Variants in RPS6KA3 observed in about 807,000 individuals in gnomAD.
The protein encoded by RPS6KA3 is ribosomal protein S6 kinase alpha-3.
RPS6KA3 carries 4 observed loss-of-function variants against 67.2 expected under a neutral mutation model. The observed-to-expected ratio is 0.06, with a 90% CI of 0.03 to 0.14. RPS6KA3 has a LOEUF of 0.14. Among genes scored for constraint, RPS6KA3 ranks in the 10% least tolerant of loss-of-function variants. The probability of loss-of-function intolerance (pLI) is 1.00; values close to 1 mark genes in which losing one functional copy is unlikely to be tolerated. For synonymous variants in RPS6KA3, 182 were observed against 183.7 expected, an observed-to-expected ratio of 0.99 and a Z score of 0.07; for missense variants, 204 against 559.0, an observed-to-expected ratio of 0.36 and a Z score of 6.40.
rs145103178 is a variant in RPS6KA3 at position 20,246,491 on chromosome X, T to C, written c.70-11677A>G. Among the ~76,000 whole-genome samples the C allele has an allele frequency of 8.5e-4, 95 of 111,536 alleles. 1 individual carries two copies. In the East Asian group the frequency reaches 0.014, roughly 16 times the overall value. ...ATCTGAGTTCTGGATAACCCTTTAA[T>C]ATATTACTTGGGTTGGCTAATTCAG... On this transcript the variant is annotated intron_variant, in intron 1 of 21. Coordinates refer to ENST00000379565, the MANE Select transcript of RPS6KA3 (RefSeq NM_004586.3).
intron 21 of RPS6KA3, 64 bp from the exon 22 acceptor site, chrX:20,155,584 A>G: frequency 8.9e-7 from 1 of 1,121,219 alleles, no homozygotes; most frequent in South Asian, 1.8e-5. Context: ...ACACAAATAC[A>G]AAATGAAGAG....
At chrX:20,240,061 A>G (rs1291587543) in intron 1 of RPS6KA3, among the ~76,000 whole-genome samples, 1 of 109,930 alleles carries the variant, frequency 9.1e-6, no homozygotes, top group Non-Finnish European at 1.9e-5. Context: ...GCTAGGACCA[A>G]AAGATGATCT....
intron 2 of RPS6KA3, among the ~76,000 whole-genome samples, chrX:20,211,299 T>C (rs1250830945): frequency 9.0e-6 from 1 of 111,480 alleles, no homozygotes; most frequent in East Asian, 2.8e-4. Flanking sequence ...GGTCTGAATA[T>C]TCTATAGTCT....
chrX:20,165,909 G>A (rs1379354695), intron 17 of RPS6KA3, among the ~76,000 whole-genome samples: 1 of 110,869 alleles, frequency 9.0e-6, no homozygotes. Flanking sequence ...CTGAAATTGA[G>A]GATAATACCG....
intron 4 of RPS6KA3, chrX:20,203,400 T>G (rs2148720482): frequency 9.1e-6 from 1 of 110,076 alleles, no homozygotes; most frequent in South Asian, 3.9e-4. Context: ...TAGCTGGAAT[T>G]ATAGGTATGT....
intron 4 of RPS6KA3, among the ~76,000 whole-genome samples, chrX:20,201,616 G>T (rs923497018): frequency 2.7e-5 from 3 of 110,873 alleles, no homozygotes; most frequent in Non-Finnish European, 5.7e-5. Flanking sequence ...GAATTATATT[G>T]CAAGAAAGAG....
chrX:20,226,679 A>G (rs1326179293), intron 2 of RPS6KA3, among the ~76,000 whole-genome samples: 1 of 112,223 alleles, frequency 8.9e-6, no homozygotes, highest in African/African-American at 3.2e-5. Flanking sequence ...AAGGCTTTAT[A>G]AAGGGTCAAA....
At chrX:20,168,629 T>C (rs2067497803) in intron 16 of RPS6KA3, among the ~76,000 whole-genome samples, 1 of 111,564 alleles carries the variant, frequency 9.0e-6, no homozygotes, top group South Asian at 3.7e-4. Flanking sequence ...CTAGTCAATA[T>C]TGAATATGAA....
chrX:20,225,146 T>G (rs1410668537), intron 2 of RPS6KA3, among the ~76,000 whole-genome samples: 1 of 109,562 alleles, frequency 9.1e-6, no homozygotes, highest in Non-Finnish European at 1.9e-5. Context: ...ATGGGTATTG[T>G]GATGAATATA....
At chrX:20,266,537 C>A (rs2070391690) in intron 1 of RPS6KA3, 27 bp downstream of exon 1, 14 of 1,126,946 alleles carry the variant, frequency 1.2e-5, no homozygotes, top group Non-Finnish European at 1.7e-5. Context: ...GGAGATGCGC[C>A]GGCCCCGGCC....
chrX:20,175,036 G>C, intron 14 of RPS6KA3, 128 bp downstream of exon 14: 1 of 685,752 alleles, frequency 1.5e-6, no homozygotes, highest in Admixed American at 2.4e-5. Context: ...TTACGGGTGT[G>C]AGCCACTATG....
intron 19 of RPS6KA3, 86 bp downstream of exon 19, chrX:20,162,878 C>T: frequency 4.4e-6 from 3 of 686,214 alleles, no homozygotes; most frequent in Non-Finnish European, 7.2e-6. Flanking sequence ...AACAAAAAAC[C>T]CCAAACAAAA....
chrX:20,156,011 G>A (rs1425513305), intron 21 of RPS6KA3, 98 bp downstream of exon 21: 2 of 914,864 alleles, frequency 2.2e-6, no homozygotes. Flanking sequence ...AGAACTGGAT[G>A]CAGGATGAAA....
chrX:20,263,043 T>A (rs1403695669), intron 1 of RPS6KA3, among the ~76,000 whole-genome samples: 1 of 112,010 alleles, frequency 8.9e-6, no homozygotes, highest in Non-Finnish European at 1.9e-5. Flanking sequence ...GTACCTGTTA[T>A]TTAAAGGAAG....
chrX:20,220,022 A>G lies in RPS6KA3; in HGVS notation c.127-10618T>C, dbSNP rs777617257. On this transcript the variant is annotated intron_variant, in intron 2 of 21. Coordinates refer to ENST00000379565, the MANE Select transcript of RPS6KA3 (RefSeq NM_004586.3). ...TTTCTGGATGAAGAAACTGTGGTCA[A>G]GGTAGGCCCATATTTGGTGATAGAG... 2.7e-5 allele frequency among the ~76,000 whole-genome samples: 3 copies of G among 111,546 alleles called. No individual in the cohort carries two copies. In the South Asian group the frequency reaches 1.1e-3, roughly 41 times the overall value.
chrX:20,190,764 CAT>C (rs1222873318), intron 7 of RPS6KA3, among the ~76,000 whole-genome samples: 1 of 110,802 alleles, frequency 9.0e-6, no homozygotes, highest in Non-Finnish European at 1.9e-5. Context: ...ATAAAAAAAA[CAT>C]AAAATATAAA....
At chrX:20,235,941 A>G (rs2069398573) in intron 1 of RPS6KA3, among the ~76,000 whole-genome samples, 1 of 111,825 alleles carries the variant, frequency 8.9e-6, no homozygotes. Flanking sequence ...AACTAGTTAA[A>G]TATATTATGG....
chrX:20,150,878 C>T lies in RPS6KA3; in HGVS notation c.*4520G>A, dbSNP rs924854284. On this transcript the variant is annotated 3_prime_UTR_variant, in exon 22 of 22. Transcript: ENST00000379565. ...AAAATGTCATATACTTTGCTAGTTG[C>T]TCTGGGAGAAGTCATGGACATTTAA... 2.7e-5 allele frequency: 3 copies of T among 112,379 alleles called. No individual in the cohort carries two copies. The highest frequency in any genetic ancestry group is 9.7e-5 in the African/African-American group (3 of 30,855). 9.3% of individuals were successfully genotyped at this position (112,379 alleles called of 1,213,427 possible). A position where few individuals can be genotyped will look rare whatever the true frequency, so the allele number is the denominator to read the frequency against.
At chrX:20,207,333 G>A (rs1290918330) in intron 3 of RPS6KA3, among the ~76,000 whole-genome samples, 1 of 111,889 alleles carries the variant, frequency 8.9e-6, no homozygotes, top group Non-Finnish European at 1.9e-5. Context: ...CTTAATGAGA[G>A]AAAAATGAAA....
Sources: gnomAD v4.1 joint callset for allele counts (sites outside exome capture counted in the v4.1 genomes callset) on GRCh38, gnomAD v4.1.1 for gene constraint, MANE v1.5 for transcripts, NCBI Gene and HGNC (gene_info 2026-07-23, HGNC 2026-07-21) for gene names.